SPAG16: variants seen among roughly 807,000 people sequenced by gnomAD.
The protein encoded by SPAG16 is sperm-associated antigen 16 protein.
Under a neutral mutation model 80.4 loss-of-function variants are expected in SPAG16, and 86 were observed. That is an observed-to-expected ratio of 1.07 (90% CI 0.90 to 1.28). The LOEUF is 1.28. Among genes scored for constraint, SPAG16 ranks in the 50% most tolerant of loss-of-function variants. SPAG16 has a pLI of 0.00. For synonymous variants in SPAG16, 294 were observed against 265.9 expected (o/e 1.11, Z -1.03); for missense variants, 870 against 765.3 (o/e 1.14, Z -1.61).
chr2:213,717,982 C>A (rs900657087), intron 10 of SPAG16, among the ~76,000 whole-genome samples: 14 of 151,852 alleles, frequency 9.2e-5, no homozygotes, highest in African/African-American at 3.4e-4. Flanking sequence ...GGCAACAATG[C>A]CAAAATTGAC....
intron 13 of SPAG16, among the ~76,000 whole-genome samples, chr2:214,029,988 C>CA (rs1353925046): frequency 2.0e-5 from 3 of 152,036 alleles, no homozygotes; most frequent in Non-Finnish European, 4.4e-5. Context: ...GTGGTAAGAA[C>CA]AATCAACATG....
chr2:213,416,873 A>G (rs1239199649), intron 9 of SPAG16, among the ~76,000 whole-genome samples: 1 of 152,236 alleles, frequency 6.6e-6, no homozygotes, highest in Non-Finnish European at 1.5e-5. Flanking sequence ...ACATAGGAGC[A>G]AGGGAAAAGG....
intron 10 of SPAG16, among the ~76,000 whole-genome samples, chr2:213,678,288 T>C (rs1010713513): frequency 6.6e-6 from 1 of 151,444 alleles, no homozygotes; most frequent in African/African-American, 2.4e-5. Context: ...CTGAAGGAAA[T>C]AGAGACACAA....
chr2:214,396,807 T>C (rs896945783), intron 15 of SPAG16, among the ~76,000 whole-genome samples: 1 of 152,064 alleles, frequency 6.6e-6, no homozygotes. Context: ...ATATTTAGTA[T>C]TCAGAACTTT....
rs139414408 is a variant in SPAG16 at position 213,866,626 on chromosome 2, C to T, written c.1214+3998C>T. On this transcript the variant is annotated intron_variant, in intron 11 of 15. Coordinates refer to ENST00000331683, the MANE Select transcript of SPAG16 (RefSeq NM_024532.5). ...TAAGATCTGCCAGGTGAATGTCAAACCTGGATGCCATGAAGCTTAATGAGT... is the reference window on the plus strand; with the variant it reads ...TAAGATCTGCCAGGTGAATGTCAAATCTGGATGCCATGAAGCTTAATGAGT... 1.9e-4 allele frequency among the ~76,000 whole-genome samples: 28 copies of T among 147,502 alleles called. No individual in the cohort carries two copies. In the East Asian group the frequency reaches 4.1e-3, roughly 21 times the overall value.
At chr2:214,217,407 C>A (rs879924646) in intron 15 of SPAG16, among the ~76,000 whole-genome samples, 3 of 152,220 alleles carry the variant, frequency 2.0e-5, no homozygotes, top group Admixed American at 2.0e-4. Flanking sequence ...AAGGGCTGTG[C>A]ATGTTTGAAA....
intron 11 of SPAG16, among the ~76,000 whole-genome samples, chr2:213,876,897 T>A (rs1432815122): frequency 6.6e-6 from 1 of 152,186 alleles, no homozygotes; most frequent in Non-Finnish European, 1.5e-5. Context: ...CAAGTCCCAT[T>A]TACACAAATT....
At chr2:214,047,408 C>T (rs926590445) in intron 13 of SPAG16, among the ~76,000 whole-genome samples, 1 of 152,046 alleles carries the variant, frequency 6.6e-6, no homozygotes, top group East Asian at 1.9e-4. Context: ...AGTGAACTCA[C>T]TTTTGACAAA....
At chr2:213,285,901 T>G (rs1446637215) in intron 1 of SPAG16, 1 of 1,289,458 alleles carries the variant, frequency 7.8e-7, no homozygotes, top group Non-Finnish European at 1.0e-6. Context: ...CTATATCCAG[T>G]GCCCTTGCTA....
intron 15 of SPAG16, among the ~76,000 whole-genome samples, chr2:214,163,653 AAG>A (rs113817291): frequency 0.02 from 2,206 of 109,468 alleles, 45 homozygotes; most frequent in African/African-American, 0.057. Flanking sequence ...GAGAGAGAGA[AAG>A]AGAGAGAGAG....
chr2:213,871,725 G>T (rs983292885), intron 11 of SPAG16, among the ~76,000 whole-genome samples: 2 of 151,892 alleles, frequency 1.3e-5, no homozygotes, highest in Admixed American at 1.3e-4. Context: ...CTGGTTCAAA[G>T]CATTTAATGA....
chr2:214,217,068 A>G (rs934826968), intron 15 of SPAG16, among the ~76,000 whole-genome samples: 1 of 152,270 alleles, frequency 6.6e-6, no homozygotes, highest in Non-Finnish European at 1.5e-5. Flanking sequence ...AATGATTTAT[A>G]AGAGCCAAGT....
At position 213,722,203 on chromosome 2, in the gene SPAG16, G is replaced by GA. The variant is rs1269101139; in HGVS notation, c.1071-140279dup. Among the ~76,000 whole-genome samples the GA allele has an allele frequency of 1.1e-4, 16 of 152,310 alleles. No individual in the cohort carries two copies. The South Asian group carries it at 3.1e-3, about 30-fold the overall frequency. On this transcript the variant is annotated intron_variant, in intron 10 of 15. Transcript: ENST00000331683. ...AGATAGGAGTAGTCACAGAAGTGATGAAAGAGACGTTAACTCAAATTTGAA... is the reference window on the plus strand; with the variant it reads ...AGATAGGAGTAGTCACAGAAGTGATGAAAAGAGACGTTAACTCAAATTTGAA...
Position 213,709,351 on chromosome 2 carries a change from C to T in SPAG16, c.1071-153134C>T, listed in dbSNP as rs528078254. ...ACATAACGTCTGTCTATAGGAGGGA[C>T]AAGACATTCCCTTCGAGATTTGGGG... On this transcript the variant is annotated intron_variant, in intron 10 of 15. Transcript: ENST00000331683. Among the ~76,000 whole-genome samples, 17 of 152,222 alleles carry T rather than the reference C, an allele frequency of 1.1e-4. No individual in the cohort carries two copies. In the South Asian group the frequency reaches 2.7e-3, roughly 24 times the overall value.
In SPAG16 at chr2:213,479,269, T is replaced by C. The variant is rs79182978; in HGVS notation, c.943-10694T>C. The stretch of plus-strand genomic sequence containing the variant: ...ACCTTCTCCATGAGGCCTCGCCAGA[T>C]TGCCGCATGTATAATTTCATACATC... On this transcript the variant is annotated intron_variant, in intron 9 of 15. Coordinates refer to ENST00000331683, the MANE Select transcript of SPAG16 (RefSeq NM_024532.5). Among the ~76,000 whole-genome samples, 1,280 of 152,170 alleles carry C rather than the reference T, an allele frequency of 8.4e-3. 17 individuals carry two copies. The highest frequency in any genetic ancestry group is 0.029 in the African/African-American group (1,193 of 41,502).
At chr2:214,316,236 G>T (rs17818944) in intron 15 of SPAG16, among the ~76,000 whole-genome samples, 3,326 of 151,714 alleles carry the variant, frequency 0.022, 89 homozygotes, top group Non-Finnish European at 0.027. Flanking sequence ...GTGCAGAGTT[G>T]CAATAAAGGA....
intron 10 of SPAG16, among the ~76,000 whole-genome samples, chr2:213,843,012 C>G (rs983230935): frequency 6.6e-6 from 1 of 152,144 alleles, no homozygotes; most frequent in African/African-American, 2.4e-5. Flanking sequence ...TCAAATGATC[C>G]TCCCACTTTG....
At chr2:214,110,519 C>T (rs1346786537) in intron 14 of SPAG16, among the ~76,000 whole-genome samples, 1 of 152,152 alleles carries the variant, frequency 6.6e-6, no homozygotes, top group Non-Finnish European at 1.5e-5. Flanking sequence ...GCCACATTTT[C>T]TTAATCCAGT....
chr2:214,008,991 A>G (rs1026814808), intron 12 of SPAG16, among the ~76,000 whole-genome samples: 4 of 152,152 alleles, frequency 2.6e-5, no homozygotes, highest in African/African-American at 9.7e-5. Context: ...TCCAAGTGAG[A>G]GTCTGAGATA....
Sources: allele counts gnomAD v4.1 joint callset (sites outside exome capture counted in the v4.1 genomes callset), GRCh38; gene constraint gnomAD v4.1.1; transcripts MANE v1.5; gene names NCBI Gene and HGNC (gene_info 2026-07-23, HGNC 2026-07-21).